Variants in RBMS3 observed in about 807,000 individuals in gnomAD.
The protein encoded by RBMS3 is RNA binding motif single stranded interacting protein 3, also known as RNA-binding motif, single-stranded-interacting protein 3.
Under a neutral mutation model 66.8 loss-of-function variants are expected in RBMS3, and 27 were observed. The ratio of observed to expected loss-of-function variants is 0.40; its 90% CI spans 0.30 to 0.56. RBMS3 has a LOEUF of 0.56. Ranked by LOEUF, RBMS3 falls within the 20% of genes least tolerant of loss-of-function variation. The pLI, the probability that RBMS3 is intolerant of heterozygous loss-of-function variation, is 0.40. For missense variants in RBMS3, 513 were observed against 549.5 expected, an observed-to-expected ratio of 0.93 and a Z score of 0.66; for synonymous variants, 188 against 183.0, an observed-to-expected ratio of 1.03 and a Z score of -0.22.
intron 5 of RBMS3, among the ~76,000 whole-genome samples, chr3:29,753,070 C>A (rs2055253191): frequency 6.6e-6 from 1 of 152,082 alleles, no homozygotes; most frequent in Non-Finnish European, 1.5e-5. Context: ...CACCTAAATG[C>A]CAGAAAGTCA....
intron 1 of RBMS3, among the ~76,000 whole-genome samples, chr3:29,374,261 G>A (rs1008923257): frequency 4.6e-5 from 7 of 152,190 alleles, no homozygotes; most frequent in Non-Finnish European, 4.4e-5. Flanking sequence ...TTTATAAGGA[G>A]AATATATCAG....
In RBMS3 at chr3:30,003,911, T is replaced by C. The variant is rs1699723922; in HGVS notation, c.*49T>C. On this transcript the variant is annotated 3_prime_UTR_variant, in exon 15 of 15. Transcript: ENST00000383767. ...GAATCTTTGCCTTGAATGAAGAAAC[T>C]TCATTGAACAAGAAGTTGGCTTCCA... 9.2e-6 allele frequency: 13 copies of C among 1,419,974 alleles called. No individual in the cohort carries two copies. Among genetic ancestry groups the C allele is most frequent in the Non-Finnish European group, 1.2e-5 (13 of 1,071,806 alleles). The allele number at this position is 1,419,974 out of a possible 1,614,324, so 88.0% of individuals were successfully genotyped here.
At chr3:29,893,602 T>G (rs1280959079) in intron 8 of RBMS3, among the ~76,000 whole-genome samples, 2 of 151,522 alleles carry the variant, frequency 1.3e-5, no homozygotes, top group African/African-American at 4.8e-5. Flanking sequence ...CCCCAAATAC[T>G]GTTCACTGCC....
chr3:29,957,785 CTT>C (rs1201521715), intron 12 of RBMS3, among the ~76,000 whole-genome samples: 2 of 152,148 alleles, frequency 1.3e-5, no homozygotes, highest in Non-Finnish European at 2.9e-5. Context: ...CTTTTATACT[CTT>C]TTCATCGCCA....
intron 1 of RBMS3, among the ~76,000 whole-genome samples, chr3:29,371,695 G>C (rs748468198): frequency 1.3e-5 from 2 of 152,092 alleles, no homozygotes; most frequent in Non-Finnish European, 2.9e-5. Flanking sequence ...AAGTAATTTT[G>C]TTTTATTGGT....
rs376029040 is a variant in RBMS3, at chr3:29,739,318, T to C, written c.400-402T>C. On this transcript the variant is annotated intron_variant, in intron 4 of 14. Transcript: ENST00000383767. Reference sequence around the variant, plus strand: ...AAAAATACAAAAAATTAGCTGGGCGTGGTGGCGGGCGCCTGTAGTCCCAGC... The same window carrying C: ...AAAAATACAAAAAATTAGCTGGGCGCGGTGGCGGGCGCCTGTAGTCCCAGC... Among the ~76,000 whole-genome samples the C allele has an allele frequency of 4.1e-3, 628 of 151,712 alleles. 5 individuals carry two copies. The highest frequency in any genetic ancestry group is 0.019 in the South Asian group (93 of 4,806).
At chr3:29,946,885 G>A (rs1175668313) in intron 12 of RBMS3, among the ~76,000 whole-genome samples, 4 of 151,584 alleles carry the variant, frequency 2.6e-5, no homozygotes, top group Non-Finnish European at 5.9e-5. Flanking sequence ...ATTTTCTGCG[G>A]TCATGATTAG....
chr3:29,331,052 T>C (rs2035621867), intron 1 of RBMS3, among the ~76,000 whole-genome samples: 1 of 152,180 alleles, frequency 6.6e-6, no homozygotes, highest in Non-Finnish European at 1.5e-5. Context: ...GAGCATTGGC[T>C]GGACATTTCC....
intron 10 of RBMS3, among the ~76,000 whole-genome samples, chr3:29,931,138 C>T (rs2061110329): frequency 6.6e-6 from 1 of 152,006 alleles, no homozygotes; most frequent in Admixed American, 6.6e-5. Flanking sequence ...TAAATATTTA[C>T]AGTTTGTCAT....
chr3:29,384,963 T>A (rs1194638499), intron 1 of RBMS3, among the ~76,000 whole-genome samples: 1 of 152,154 alleles, frequency 6.6e-6, no homozygotes, highest in Non-Finnish European at 1.5e-5. Flanking sequence ...AGATGTATGA[T>A]CTTATAACTC....
intron 1 of RBMS3, among the ~76,000 whole-genome samples, chr3:29,362,794 C>T (rs2037677338): frequency 6.6e-6 from 1 of 152,184 alleles, no homozygotes; most frequent in African/African-American, 2.4e-5. Flanking sequence ...GTAATTTTGA[C>T]TATACTTGAG....
At chr3:29,640,291 C>T (rs1437302253) in intron 4 of RBMS3, among the ~76,000 whole-genome samples, 1 of 151,350 alleles carries the variant, frequency 6.6e-6, no homozygotes, top group East Asian at 2.0e-4. Flanking sequence ...CACACCCACA[C>T]ACACACGAAA....
chr3:29,998,651 A>C (rs886612439), intron 14 of RBMS3, among the ~76,000 whole-genome samples: 1 of 152,234 alleles, frequency 6.6e-6, no homozygotes, highest in Non-Finnish European at 1.5e-5. Flanking sequence ...ACCTGACAAA[A>C]ACAAGCAATG....
chr3:29,798,347 A>AAG (rs2057280131), intron 6 of RBMS3, among the ~76,000 whole-genome samples: 4 of 62,578 alleles, frequency 6.4e-5, no homozygotes, highest in African/African-American at 2.7e-4. Context: ...AGGGGAGGGG[A>AAG]GGAGAGGGGA....
chr3:29,676,854 T>A (rs1178826935), intron 4 of RBMS3, among the ~76,000 whole-genome samples: 2 of 152,174 alleles, frequency 1.3e-5, no homozygotes, highest in Non-Finnish European at 2.9e-5. Flanking sequence ...GTTTTGTAAT[T>A]TCTTTGCTTG....
intron 3 of RBMS3, among the ~76,000 whole-genome samples, chr3:29,497,230 T>G (rs994672110): frequency 6.6e-6 from 1 of 151,952 alleles, no homozygotes; most frequent in Non-Finnish European, 1.5e-5. Flanking sequence ...AGGATGGTGT[T>G]GATGTCCTGA....
chr3:29,320,156 C>G (rs1481752477), intron 1 of RBMS3, among the ~76,000 whole-genome samples: 3 of 151,976 alleles, frequency 2.0e-5, no homozygotes, highest in Non-Finnish European at 4.4e-5. Flanking sequence ...TTTAGATCAC[C>G]TTTGCACAAA....
intron 2 of RBMS3, among the ~76,000 whole-genome samples, chr3:29,475,513 G>C (rs538350091): frequency 6.6e-6 from 1 of 152,242 alleles, no homozygotes; most frequent in South Asian, 2.1e-4. Flanking sequence ...GCCTCCCAAA[G>C]TGCTGGGATT....
At chr3:29,741,661 CG>C (rs2054654498) in intron 5 of RBMS3, among the ~76,000 whole-genome samples, 1 of 152,186 alleles carries the variant, frequency 6.6e-6, no homozygotes, top group Non-Finnish European at 1.5e-5. Context: ...AGGATGTGTT[CG>C]TACAAAGTAT....
Sources: gnomAD v4.1 joint callset for allele counts (sites outside exome capture counted in the v4.1 genomes callset) on GRCh38, gnomAD v4.1.1 for gene constraint, MANE v1.5 for transcripts, NCBI Gene and HGNC (gene_info 2026-07-23, HGNC 2026-07-21) for gene names.